Variants in HECTD2 observed in about 807,000 individuals in gnomAD.
HECTD2 encodes HECT domain E3 ubiquitin protein ligase 2.
HECTD2 carries 35 observed loss-of-function variants against 103.2 expected under a neutral mutation model. The ratio of observed to expected loss-of-function variants is 0.34; its 90% confidence interval spans 0.26 to 0.45. The LOEUF is 0.45. HECTD2 is among the 20% of genes least tolerant of loss of function. HECTD2 has a pLI of 1.00. For synonymous variants in HECTD2, 281 were observed against 329.9 expected, an observed-to-expected ratio of 0.85 and a Z score of 1.61; for missense variants, 596 against 937.4, an observed-to-expected ratio of 0.64 and a Z score of 4.76.
At chr10:91,475,595 A>T (rs1272374000) in intron 5 of HECTD2, among the ~76,000 whole-genome samples, 1 of 152,172 alleles carries the variant, frequency 6.6e-6, no homozygotes, top group Admixed American at 6.5e-5. Context: ...ATGAGAAGAG[A>T]TAGTACAGAT....
intron 2 of HECTD2, among the ~76,000 whole-genome samples, chr10:91,450,977 G>A (rs1302843707): frequency 6.6e-6 from 1 of 152,008 alleles, no homozygotes; most frequent in Non-Finnish European, 1.5e-5. Context: ...TCTAGAACCA[G>A]AAATACCATT....
intron 1 of HECTD2, among the ~76,000 whole-genome samples, chr10:91,422,351 A>C (rs1435566246): frequency 1.3e-5 from 2 of 152,178 alleles, no homozygotes; most frequent in Non-Finnish European, 2.9e-5. Flanking sequence ...GTGTTAAATT[A>C]TTGTAGATGT....
chr10:91,505,584 A>G (rs992006555), intron 20 of HECTD2, among the ~76,000 whole-genome samples: 3 of 151,000 alleles, frequency 2.0e-5, no homozygotes, highest in African/African-American at 7.3e-5. Flanking sequence ...TATCCTAAAT[A>G]TATATGCACC....
chr10:91,510,468 A>G (rs1847380042), intron 20 of HECTD2, among the ~76,000 whole-genome samples: 1 of 152,130 alleles, frequency 6.6e-6, no homozygotes, highest in African/African-American at 2.4e-5. Context: ...TTCAATAAAC[A>G]TTTTCATAAG....
chr10:91,508,936 A>G (rs1248723706), intron 20 of HECTD2, among the ~76,000 whole-genome samples: 2 of 151,930 alleles, frequency 1.3e-5, no homozygotes, highest in African/African-American at 4.8e-5. Flanking sequence ...ATGGAATACT[A>G]TGCAGCCATA....
chr10:91,429,349 T>A, intron 2 of HECTD2, among the ~76,000 whole-genome samples: 1 of 152,140 alleles, frequency 6.6e-6, no homozygotes, highest in Non-Finnish European at 1.5e-5. Flanking sequence ...CCTTTTTGGT[T>A]GTGTCTCTGC....
intron 20 of HECTD2, among the ~76,000 whole-genome samples, chr10:91,503,152 T>A (rs1037296214): frequency 6.6e-6 from 1 of 152,150 alleles, no homozygotes; most frequent in African/African-American, 2.4e-5. Context: ...AATAAGCATA[T>A]GAAAAAATGC....
At chr10:91,481,623 C>T (rs1317806474) in intron 7 of HECTD2, among the ~76,000 whole-genome samples, 3 of 150,546 alleles carry the variant, frequency 2.0e-5, no homozygotes, top group Admixed American at 1.3e-4. Context: ...TGTTATAAAG[C>T]GAAGATAATG....
At chr10:91,449,872 AAG>A (rs756743761) in intron 2 of HECTD2, among the ~76,000 whole-genome samples, 51 of 152,174 alleles carry the variant, frequency 3.4e-4, no homozygotes, top group Non-Finnish European at 5.9e-4. Context: ...TCAAGGAAAT[AAG>A]AGAGAACACA....
At chr10:91,471,488 A>G (rs969523282) in intron 5 of HECTD2, among the ~76,000 whole-genome samples, 2 of 152,234 alleles carry the variant, frequency 1.3e-5, no homozygotes, top group Admixed American at 6.5e-5. Flanking sequence ...GGCAAGAGAA[A>G]GAAATAGAAG....
chr10:91,503,702 G>A (rs1017013240), intron 20 of HECTD2, among the ~76,000 whole-genome samples: 1 of 152,216 alleles, frequency 6.6e-6, no homozygotes, highest in Admixed American at 6.5e-5. Context: ...GCTGGGGGAG[G>A]GGCGCCCACC....
intron 1 of HECTD2, among the ~76,000 whole-genome samples, chr10:91,413,170 T>C (rs1842991578): frequency 6.6e-6 from 1 of 152,072 alleles, no homozygotes; most frequent in Admixed American, 6.5e-5. Context: ...ATAATATAAA[T>C]ATTATCAATA....
Position 91,514,067 on chromosome 10 carries a change from C to CTCTT in HECTD2, c.*1684_*1687dup, listed in dbSNP as rs1847523883. 6.6e-6 allele frequency: 1 copy of CTCTT among 152,602 alleles called. No homozygotes were observed. The highest frequency in any genetic ancestry group is 1.5e-5 in the Non-Finnish European group (1 of 68,034). The allele number at this position is 152,602 out of a possible 1,614,324, so 9.5% of individuals were successfully genotyped here. A position where few individuals can be genotyped will look rare whatever the true frequency, so the allele number is the denominator to read the frequency against. On this transcript the variant is annotated 3_prime_UTR_variant, in exon 21 of 21. Transcript: ENST00000298068. ...TCCATATGCAAATAAAACTGCTTCT[C>CTCTT]TCTTACACTGCTTGAACTAGAAAAT...
chr10:91,506,940 T>C (rs929033397), intron 20 of HECTD2, among the ~76,000 whole-genome samples: 1 of 150,084 alleles, frequency 6.7e-6, no homozygotes, highest in Admixed American at 6.6e-5. Context: ...TCAAGTGGGC[T>C]TCATCCCTGG....
At position 91,485,231 on chromosome 10, in the gene HECTD2, A is replaced by G. The variant is rs1846224781; in HGVS notation, c.1022A>G (p.Tyr341Cys). 2.5e-6 allele frequency: 4 copies of G among 1,582,834 alleles called. No homozygotes were observed. Among genetic ancestry groups the G allele is most frequent in the Admixed American group, 1.8e-5 (1 of 56,894 alleles). ...HPPLIPYTDF[Y>C]NSTLDHIDLM... ...CCCCTTATTCCTTATACTGATTTCT[A>G]TAATTCTACATTGGATCACATTGAT... Residue 341 changes from tyrosine to cysteine, a missense_variant, in exon 10 of 21, where the codon TAT becomes TGT. Tyr to Cys is a radical substitution (Grantham distance 194). Coordinates refer to ENST00000298068, the MANE Select transcript of HECTD2 (RefSeq NM_182765.6).
At chr10:91,486,700 T>C (rs946727341) in intron 10 of HECTD2, 6 of 152,180 alleles carry the variant, frequency 3.9e-5, no homozygotes, top group African/African-American at 1.4e-4. Flanking sequence ...AAAACTAATA[T>C]ATATCTTACT....
At chr10:91,422,505 T>G (rs774131769) in intron 1 of HECTD2, among the ~76,000 whole-genome samples, 1 of 152,144 alleles carries the variant, frequency 6.6e-6, no homozygotes, top group Non-Finnish European at 1.5e-5. Flanking sequence ...ATTATTAAGA[T>G]TTTCTGACAA....
At chr10:91,425,514 A>C (rs556775781) in intron 2 of HECTD2, 104 bp downstream of exon 2, 5 of 783,044 alleles carry the variant, frequency 6.4e-6, no homozygotes, top group East Asian at 3.3e-5. Flanking sequence ...TAGTTAATAC[A>C]ACAAAAAGAA....
intron 5 of HECTD2, 45 bp from the exon 6 acceptor site, chr10:91,478,156 T>G: frequency 8.0e-7 from 1 of 1,245,710 alleles, no homozygotes; most frequent in Non-Finnish European, 1.2e-6. Context: ...AAACGTCACC[T>G]AATTTGGTAA....
Sources: gnomAD v4.1 joint callset for allele counts (sites outside exome capture counted in the v4.1 genomes callset) on GRCh38, gnomAD v4.1.1 for gene constraint, MANE v1.5 for transcripts, NCBI Gene and HGNC (gene_info 2026-07-23, HGNC 2026-07-21) for gene names.